The following LRRC53 variants were observed in gnomAD, a reference collection of about 807,000 sequenced individuals.
The protein encoded by LRRC53 is leucine-rich repeat-containing protein 53.
Under a neutral mutation model 13.6 loss-of-function variants are expected in LRRC53, and 25 were observed. The observed-to-expected ratio is 1.83, with a 90% CI of 1.34 to 2.56. The LOEUF (loss-of-function observed/expected upper bound fraction) is 2.56, where lower values mean the gene tolerates loss of function less well. LRRC53 is among the 30% of genes most tolerant of loss of function. The probability of loss-of-function intolerance (pLI) is 0.00; values close to 1 mark genes in which losing one functional copy is unlikely to be tolerated. For missense variants in LRRC53, 527 were observed against 275.8 expected (o/e 1.91, Z -6.45); for synonymous variants, 204 against 109.8 (o/e 1.86, Z -5.37).
intron 1 of LRRC53, among the ~76,000 whole-genome samples, chr1:74,500,715 C>CT (rs1189629424): frequency 1.4e-5 from 2 of 140,400 alleles, no homozygotes; most frequent in Non-Finnish European, 3.1e-5. Flanking sequence ...TATCTTCCCT[C>CT]TTTTTTAAGA....
At chr1:74,527,147 G>A in the LRRC53 span, among the ~76,000 whole-genome samples, 1 of 152,174 alleles carries the variant, frequency 6.6e-6, no homozygotes, top group Non-Finnish European at 1.5e-5. Context: ...CTACCTTCAG[G>A]TCACTGTAAA....
chr1:74,508,267 T>C (rs1670007716), intron 1 of LRRC53, among the ~76,000 whole-genome samples: 1 of 152,202 alleles, frequency 6.6e-6, no homozygotes, highest in South Asian at 2.1e-4. Flanking sequence ...CCCTAGAACT[T>C]AAAGTATAAT....
the LRRC53 span, among the ~76,000 whole-genome samples, chr1:74,518,216 A>T: frequency 6.6e-6 from 1 of 152,186 alleles, no homozygotes; most frequent in African/African-American, 2.4e-5. Context: ...TGGAGGAAAA[A>T]AGAGTTGTCA....
intron 1 of LRRC53, among the ~76,000 whole-genome samples, chr1:74,510,438 G>A (rs752051471): frequency 6.6e-5 from 10 of 152,232 alleles, no homozygotes; most frequent in Non-Finnish European, 1.2e-4. Flanking sequence ...AACCCGGGAG[G>A]TGGAGCTTGC....
intron 2 of LRRC53, among the ~76,000 whole-genome samples, chr1:74,482,404 A>G (rs1668549201): frequency 6.6e-6 from 1 of 152,232 alleles, no homozygotes; most frequent in Non-Finnish European, 1.5e-5. Context: ...GGAAAAATAA[A>G]TGTAGTGAAG....
chr1:74,530,470 C>G, the LRRC53 span, among the ~76,000 whole-genome samples: 3 of 152,110 alleles, frequency 2.0e-5, no homozygotes, highest in African/African-American at 7.2e-5. Context: ...AGTAGAGTCC[C>G]TGGCGCTTAG....
At chr1:74,479,796 A>G (rs1051309280) in intron 3 of LRRC53, among the ~76,000 whole-genome samples, 1 of 152,238 alleles carries the variant, frequency 6.6e-6, no homozygotes, top group African/African-American at 2.4e-5. Context: ...CAAATGCACT[A>G]GTACTCTTTG....
In LRRC53 at chr1:74,506,878, T is replaced by C. The variant is rs376633369; in HGVS notation, c.-27+5648A>G. ...TTACACTTGATGGAAAGATTCACTG[T>C]CTTCTCGGAAAAGATTTATCTATCT... is the stretch of plus-strand genomic sequence containing the variant. On this transcript the variant is annotated intron_variant, in intron 1 of 4. Transcript: ENST00000294635. Among the ~76,000 whole-genome samples, 9 of 152,340 alleles carry C rather than the reference T, an allele frequency of 5.9e-5. No homozygotes were observed. In the South Asian group the frequency reaches 8.3e-4, roughly 14 times the overall value.
chr1:74,470,849 G>C lies in LRRC53; in HGVS notation c.2773C>G (p.Pro925Ala), dbSNP rs1667892031. The C allele has an allele frequency of 2.5e-6, 1 of 400,432 alleles. No individual in the cohort carries two copies. The highest frequency in any genetic ancestry group is 4.4e-6 in the Non-Finnish European group (1 of 226,162). 24.8% of individuals were successfully genotyped at this position (400,432 alleles called of 1,614,324 possible). ...TCTAAAAGTTGTGTTTGATTCCTCGGGGACAAAGAAAACTGATTTAACTCA... is the reference window on the plus strand; with the variant it reads ...TCTAAAAGTTGTGTTTGATTCCTCGCGGACAAAGAAAACTGATTTAACTCA... ...TSELNQFSLS[P>A]RNQTQLLDAH... Residue 925 changes from proline to alanine, a missense_variant, in exon 5 of 5, where the codon CCG (proline) becomes GCG (alanine). Physicochemically the swap from Pro to Ala is conservative, Grantham distance 27 (BLOSUM62 -1). Coordinates refer to ENST00000294635, the MANE Select transcript of LRRC53 (RefSeq NM_001382280.1).
intron 2 of LRRC53, among the ~76,000 whole-genome samples, chr1:74,481,462 A>T (rs781758204): frequency 6.6e-6 from 1 of 152,134 alleles, no homozygotes; most frequent in East Asian, 1.9e-4. Flanking sequence ...GCGAGTTGGG[A>T]TGGGGAGAGT....
At chr1:74,527,830 A>G in the LRRC53 span, among the ~76,000 whole-genome samples, 19 of 152,288 alleles carry the variant, frequency 1.2e-4, no homozygotes, top group African/African-American at 4.6e-4. Context: ...GACTTCCCCA[A>G]TGGATATGGA....
At chr1:74,524,012 C>T in the LRRC53 span, among the ~76,000 whole-genome samples, 1 of 151,802 alleles carries the variant, frequency 6.6e-6, no homozygotes, top group Non-Finnish European at 1.5e-5. Flanking sequence ...AGCCACAATT[C>T]CAAAGGCATG....
At chr1:74,481,925 G>T (rs1422419534) in intron 2 of LRRC53, among the ~76,000 whole-genome samples, 4 of 152,078 alleles carry the variant, frequency 2.6e-5, no homozygotes, top group Non-Finnish European at 5.9e-5. Flanking sequence ...AGGAAATTCA[G>T]ACTGCATCGC....
rs1236275692 is a variant in LRRC53, at chr1:74,472,676, A to C, written c.1421-475T>G. Among the ~76,000 whole-genome samples, 12 of 152,130 alleles carry C rather than the reference A, an allele frequency of 7.9e-5. No homozygotes were observed. The East Asian group carries it at 2.1e-3, about 27-fold the overall frequency. ...TGACAATGAAAGGGAAATACTTGCA[A>C]TACTATTGACTCAATGAAAGCAGAG... On this transcript the variant is annotated intron_variant, in intron 4 of 4. Coordinates refer to ENST00000294635, the MANE Select transcript of LRRC53 (RefSeq NM_001382280.1).
chr1:74,494,393 A>G (rs1253678189), intron 1 of LRRC53, among the ~76,000 whole-genome samples: 1 of 152,196 alleles, frequency 6.6e-6, no homozygotes, highest in Non-Finnish European at 1.5e-5. Context: ...GAAGTCTTTA[A>G]TCTATAAAAT....
chr1:74,493,457 C>T (rs1669176170), intron 1 of LRRC53, among the ~76,000 whole-genome samples: 3 of 152,202 alleles, frequency 2.0e-5, no homozygotes, highest in Admixed American at 1.3e-4. Flanking sequence ...TCTTTCATAG[C>T]TAGCTCTGCC....
the LRRC53 span, among the ~76,000 whole-genome samples, chr1:74,518,228 A>G: frequency 6.6e-6 from 1 of 152,138 alleles, no homozygotes; most frequent in African/African-American, 2.4e-5. Context: ...GAGTTGTCAG[A>G]TGTGACAGTC....
intron 1 of LRRC53, among the ~76,000 whole-genome samples, chr1:74,503,892 A>C (rs1189258771): frequency 6.6e-6 from 1 of 152,208 alleles, no homozygotes; most frequent in Admixed American, 6.5e-5. Flanking sequence ...TGACAGTGTG[A>C]AAGTGTTTGG....
At position 74,480,437 on chromosome 1, in the gene LRRC53, A is replaced by T. The variant is rs967270227; in HGVS notation, c.620T>A (p.Ile207Asn). The T allele has an allele frequency of 1.4e-5, 10 of 717,446 alleles. No homozygotes were observed. The highest frequency in any genetic ancestry group is 8.9e-5 in the South Asian group (6 of 67,612). 44.4% of individuals were successfully genotyped at this position (717,446 alleles called of 1,614,324 possible). The change falls in exon 3 of 5, where the codon ATC becomes AAC. Residue 207 changes from isoleucine to asparagine, a missense_variant. Physicochemically the swap from Ile to Asn is moderately radical, Grantham distance 149 (BLOSUM62 -3). Coordinates refer to ENST00000294635, the MANE Select transcript of LRRC53 (RefSeq NM_001382280.1). ...PDVFTPLKQL[I>N]LLSLDKNQWS... ...CTGGTTCTTATCTAAGCTCAGAAGG[A>T]TTAACTGCTTCAGTGGAGTAAACAC... is the stretch of plus-strand genomic sequence containing the variant.
Sources: allele counts gnomAD v4.1 joint callset (sites outside exome capture counted in the v4.1 genomes callset), GRCh38; gene constraint gnomAD v4.1.1; transcripts MANE v1.5; gene names NCBI Gene and HGNC (gene_info 2026-07-23, HGNC 2026-07-21).